The following GDPD5 variants were observed in gnomAD, a reference collection of about 807,000 sequenced individuals.
GDPD5 encodes the protein glycerophosphodiester phosphodiesterase 2.
GDPD5 carries 48 observed loss-of-function variants against 75.1 expected under a neutral mutation model. The ratio of observed to expected loss-of-function variants is 0.64; its 90% CI spans 0.51 to 0.81. The LOEUF is 0.81. Ranked by LOEUF, GDPD5 falls within the 40% of genes least tolerant of loss-of-function variation. GDPD5 has a pLI of 0.00. For synonymous variants in GDPD5, 336 were observed against 339.0 expected (o/e 0.99, Z 0.10); for missense variants, 706 against 822.6 (o/e 0.86, Z 1.73).
chr11:75,436,915 C>T (rs1565176153), intron 16 of GDPD5, 21 bp downstream of exon 16: 3 of 1,585,656 alleles, frequency 1.9e-6, no homozygotes, highest in Non-Finnish European at 1.7e-6. Context: ...CCTGCCTCCA[C>T]CTGTCTGCAG....
intron 2 of GDPD5, among the ~76,000 whole-genome samples, chr11:75,488,409 T>C (rs1565209133): frequency 6.6e-6 from 1 of 152,114 alleles, no homozygotes; most frequent in Non-Finnish European, 1.5e-5. Flanking sequence ...CTGATGGCTC[T>C]TCCTAAGTCC....
At chr11:75,503,988 C>T (rs1161789255) in intron 1 of GDPD5, among the ~76,000 whole-genome samples, 3 of 152,240 alleles carry the variant, frequency 2.0e-5, no homozygotes, top group Admixed American at 6.5e-5. Flanking sequence ...GGAAGGTCCC[C>T]AGGCTGGAGA....
At chr11:75,488,766 C>T (rs1950058330) in intron 2 of GDPD5, among the ~76,000 whole-genome samples, 1 of 152,208 alleles carries the variant, frequency 6.6e-6, no homozygotes, top group Non-Finnish European at 1.5e-5. Context: ...TCTGGCAGAG[C>T]TCCTGAGAAT....
At chr11:75,452,896 G>A (rs966435077) in intron 6 of GDPD5, 1 of 152,850 alleles carries the variant, frequency 6.5e-6, no homozygotes, top group African/African-American at 2.4e-5. Flanking sequence ...TGCAGGTCCT[G>A]GGCTGGGGGC....
At chr11:75,447,368 G>C (rs535206013) in intron 9 of GDPD5, among the ~76,000 whole-genome samples, 12 of 152,124 alleles carry the variant, frequency 7.9e-5, no homozygotes, top group Non-Finnish European at 1.6e-4. Flanking sequence ...AATATTGGCT[G>C]GGTGTAATAA....
chr11:75,505,473 C>T (rs1281779298), intron 1 of GDPD5, among the ~76,000 whole-genome samples: 3 of 152,152 alleles, frequency 2.0e-5, no homozygotes, highest in African/African-American at 7.2e-5. Context: ...TTGGGCCAGT[C>T]CTTTTCCTTG....
intron 1 of GDPD5, among the ~76,000 whole-genome samples, chr11:75,503,124 A>T (rs1273090951): frequency 1.3e-5 from 2 of 152,164 alleles, no homozygotes; most frequent in Non-Finnish European, 2.9e-5. Context: ...GGTTCAAGTG[A>T]TTCTCCTGCC....
chr11:75,480,294 C>T (rs1025607662), intron 2 of GDPD5, among the ~76,000 whole-genome samples: 5 of 151,084 alleles, frequency 3.3e-5, no homozygotes, highest in Non-Finnish European at 7.4e-5. Context: ...CACCACTGCA[C>T]TCCAGCCAGG....
chr11:75,450,030 G>A, intron 6 of GDPD5, 47 bp from the exon 7 acceptor site: 1 of 1,518,296 alleles, frequency 6.6e-7, no homozygotes, highest in South Asian at 1.1e-5. Flanking sequence ...CGGGTGGGAG[G>A]GTTCCCAGTG....
intron 15 of GDPD5, chr11:75,438,570 C>A (rs1306821382): frequency 2.0e-5 from 3 of 152,302 alleles, no homozygotes; most frequent in Non-Finnish European, 4.4e-5. Flanking sequence ...TGTCCCATAG[C>A]CAGGGACAGC....
chr11:75,507,959 T>G (rs1950438131), intron 1 of GDPD5, among the ~76,000 whole-genome samples: 1 of 150,494 alleles, frequency 6.6e-6, no homozygotes, highest in African/African-American at 2.4e-5. Flanking sequence ...CCACTATCTA[T>G]CAGTTGCTTT....
In GDPD5 at chr11:75,449,127, A is replaced by G; in HGVS notation, c.569-5T>C. 2 of 1,575,388 alleles carry G rather than the reference A, an allele frequency of 1.3e-6. No individual in the cohort carries two copies. Among genetic ancestry groups the G allele is most frequent in the Non-Finnish European group, 1.7e-6 (2 of 1,160,598 alleles). On this transcript the variant is annotated splice_polypyrimidine_tract_variant and splice_region_variant and intron_variant, in intron 8 of 16. Coordinates refer to ENST00000336898, the MANE Select transcript of GDPD5 (RefSeq NM_030792.8). ...AGAGAATGGTCACCTGGGAGGCTGC[A>G]GATAAGGGGCCGTGAGTGCTGCCTG...
At chr11:75,504,898 C>G (rs1167485058) in intron 1 of GDPD5, among the ~76,000 whole-genome samples, 2 of 152,156 alleles carry the variant, frequency 1.3e-5, no homozygotes, top group Non-Finnish European at 2.9e-5. Flanking sequence ...GAGGCCGAGG[C>G]AGGCGGATCA....
chr11:75,523,244 G>A (rs373525465), intron 1 of GDPD5, among the ~76,000 whole-genome samples: 3 of 152,182 alleles, frequency 2.0e-5, no homozygotes, highest in Admixed American at 2.0e-4. Flanking sequence ...CAGCTAGTGG[G>A]AGGCACAGTA....
chr11:75,444,526 C>G, intron 9 of GDPD5, 31 bp from the exon 10 acceptor site: 1 of 1,520,284 alleles, frequency 6.6e-7, no homozygotes, highest in South Asian at 1.1e-5. Flanking sequence ...AAGGGAGAGC[C>G]AAGATTCAGC....
At chr11:75,448,841 T>A in intron 9 of GDPD5, 136 bp downstream of exon 9, 9 of 1,207,102 alleles carry the variant, frequency 7.5e-6, no homozygotes, top group Non-Finnish European at 9.9e-6. Context: ...CCGGCCTTTT[T>A]GCCAGTCCTT....
At chr11:75,439,493 G>T in intron 15 of GDPD5, 1 of 401,638 alleles carries the variant, frequency 2.5e-6, no homozygotes, top group Admixed American at 2.8e-5. Flanking sequence ...CTGGGTGGGG[G>T]CCCCAGGCTG....
At chr11:75,454,373 G>T (rs1455104004) in intron 6 of GDPD5, among the ~76,000 whole-genome samples, 2 of 152,220 alleles carry the variant, frequency 1.3e-5, no homozygotes, top group African/African-American at 4.8e-5. Context: ...ATGGGCAAGG[G>T]TGTTTTTATA....
intron 5 of GDPD5, 35 bp downstream of exon 5, chr11:75,457,658 C>G: frequency 1.9e-6 from 3 of 1,576,934 alleles, no homozygotes; most frequent in Middle Eastern, 1.7e-4. Context: ...CCCCTGGGAG[C>G]AGGGCCACCT....
Sources: gnomAD v4.1 joint callset for allele counts (sites outside exome capture counted in the v4.1 genomes callset) on GRCh38, gnomAD v4.1.1 for gene constraint, MANE v1.5 for transcripts, NCBI Gene and HGNC (gene_info 2026-07-23, HGNC 2026-07-21) for gene names.